The following MDH1B variants were observed in gnomAD, a reference collection of about 807,000 sequenced individuals.
The protein encoded by MDH1B is putative malate dehydrogenase 1B.
In MDH1B, 60 loss-of-function variants were observed where a neutral mutation model predicts 61.4. The ratio of observed to expected loss-of-function variants is 0.98; its 90% CI spans 0.79 to 1.21. MDH1B has a LOEUF of 1.21. MDH1B is among the 50% of genes most tolerant of loss of function. MDH1B has a pLI of 0.00. For synonymous variants in MDH1B, 236 were observed against 218.7 expected, an observed-to-expected ratio of 1.08 and a Z score of -0.70; for missense variants, 587 against 632.1, an observed-to-expected ratio of 0.93 and a Z score of 0.76.
intron 9 of MDH1B, 122 bp downstream of exon 9, chr2:206,745,500 A>G: frequency 1.3e-6 from 1 of 759,038 alleles, no homozygotes; most frequent in Non-Finnish European, 2.2e-6. Context: ...TTATTTTGTC[A>G]TTAGTTTAGA....
chr2:206,752,051 T>C lies in MDH1B; in HGVS notation c.911-976A>G, dbSNP rs771772397. 6.0e-4 allele frequency among the ~76,000 whole-genome samples: 92 copies of C among 152,262 alleles called. 1 individual carries two copies. Among genetic ancestry groups the C allele is most frequent in the Non-Finnish European group, 1.1e-3 (73 of 68,018 alleles). On this transcript the variant is annotated intron_variant, in intron 5 of 11. Coordinates refer to ENST00000374412, the MANE Select transcript of MDH1B (RefSeq NM_001039845.3). ...AGGTAATTCATGGTAGGCAGTGACA[T>C]GTGCTGGTTCAGCAGCTCAGAGATG...
rs113330585 is a variant in MDH1B, at chr2:206,743,224, C to T, written c.1409-2120G>A. ...CTGCCCTCTCCATTGCACAAAATTG[C>T]TCTCATTAAAGTCACAAATGACCTT... On this transcript the variant is annotated intron_variant, in intron 9 of 11. Coordinates refer to ENST00000374412, the MANE Select transcript of MDH1B (RefSeq NM_001039845.3). Among the ~76,000 whole-genome samples, 442 of 152,254 alleles carry T rather than the reference C, an allele frequency of 2.9e-3. 1 individual carries two copies. Among genetic ancestry groups the T allele is most frequent in the Non-Finnish European group, 5.1e-3 (345 of 68,008 alleles).
chr2:206,740,048 G>T (rs1235925626), intron 10 of MDH1B, among the ~76,000 whole-genome samples: 2 of 152,046 alleles, frequency 1.3e-5, no homozygotes, highest in Non-Finnish European at 2.9e-5. Context: ...TTATTTTTTT[G>T]ATATATGGTT....
intron 11 of MDH1B, 83 bp downstream of exon 11, chr2:206,739,510 A>C: frequency 8.1e-7 from 1 of 1,239,216 alleles, no homozygotes; most frequent in Non-Finnish European, 1.2e-6. Flanking sequence ...CAAGAATAGT[A>C]TTGCAAGGAA....
intron 5 of MDH1B, among the ~76,000 whole-genome samples, chr2:206,754,397 T>A (rs1313186056): frequency 1.5e-4 from 23 of 152,342 alleles, no homozygotes; most frequent in Admixed American, 1.5e-3. Context: ...CTCATCTTCC[T>A]ATGATTCTGA....
In MDH1B at chr2:206,746,410, C is replaced by A; in HGVS notation, c.1233G>T (p.Pro411=). ...CAGGCATAGAAAAGACGATCCCTTT[C>A]GGAATACCAAACTGGCCTGCAGTGA... ...GILSEGQFGI[P]KGIVFSMPVK... Residue 411 remains proline (P), a synonymous_variant, in exon 8 of 12, where the codon CCG becomes CCT. Coordinates refer to ENST00000374412, the MANE Select transcript of MDH1B (RefSeq NM_001039845.3). 1 of 1,613,016 alleles carries A rather than the reference C, an allele frequency of 6.2e-7. No individual in the cohort carries two copies. Among genetic ancestry groups the A allele is most frequent in the South Asian group, 1.1e-5 (1 of 90,880 alleles).
intron 1 of MDH1B, 129 bp downstream of exon 1, chr2:206,765,121 A>G (rs1689361776): frequency 8.3e-7 from 1 of 1,208,562 alleles, no homozygotes. Flanking sequence ...GGTCCAGTAA[A>G]AAACTTTGAA....
At chr2:206,759,981 A>C (rs1206089290) in intron 2 of MDH1B, among the ~76,000 whole-genome samples, 1 of 152,216 alleles carries the variant, frequency 6.6e-6, no homozygotes, top group East Asian at 1.9e-4. Context: ...TGAGCAGTGG[A>C]GACTATAGTT....
chr2:206,746,370 C>T lies in MDH1B; in HGVS notation c.1273G>A (p.Gly425Arg). Residue 425 changes from glycine (G) to arginine (R), a missense_variant, in exon 8 of 12, where the codon GGA becomes AGA. Coordinates refer to ENST00000374412, the MANE Select transcript of MDH1B (RefSeq NM_001039845.3). ...AGATCTGTAAGAACCACCCAAGTTC[C>T]ATTCTCAAATTTCACAGGCATAGAA... is the stretch of plus-strand genomic sequence containing the variant. Reference protein sequence around the residue: ...VFSMPVKFENGTWVVLTDLKD... With the variant: ...VFSMPVKFENRTWVVLTDLKD... 2 of 1,613,910 alleles carry T rather than the reference C, an allele frequency of 1.2e-6. No individual in the cohort carries two copies. The highest frequency in any genetic ancestry group is 1.7e-6 in the Non-Finnish European group (2 of 1,179,916).
intron 9 of MDH1B, chr2:206,741,333 G>A (rs571966789): frequency 8.4e-6 from 5 of 598,136 alleles, no homozygotes; most frequent in East Asian, 3.6e-5. Context: ...TTAATACCGA[G>A]TGCCAACTTG....
intron 9 of MDH1B, among the ~76,000 whole-genome samples, chr2:206,743,639 A>G (rs1270640063): frequency 1.3e-5 from 2 of 152,314 alleles, no homozygotes; most frequent in East Asian, 3.9e-4. Flanking sequence ...TCACACAGGT[A>G]TTTCAGAATC....
At chr2:206,757,898 T>C (rs1417203607) in intron 2 of MDH1B, among the ~76,000 whole-genome samples, 1 of 152,216 alleles carries the variant, frequency 6.6e-6, no homozygotes, top group Non-Finnish European at 1.5e-5. Context: ...TTATATAGGC[T>C]AGGCCTTCCA....
rs149177691 is a variant in MDH1B, at chr2:206,755,528, T to C, written c.414-23A>G. On this transcript the variant is annotated intron_variant, in intron 4 of 11. Transcript: ENST00000374412. ...GCACTGATAAAAATGCAAAGCCGCA[T>C]TGTGAATAGTTATATCCTTTGTCCC... 1.6e-3 allele frequency: 2,517 copies of C among 1,593,648 alleles called. 9 individuals are homozygous for C. Among genetic ancestry groups the C allele is most frequent in the Non-Finnish European group, 1.9e-3 (2,274 of 1,169,970 alleles).
chr2:206,753,825 G>A (rs1338656972), intron 5 of MDH1B, among the ~76,000 whole-genome samples: 1 of 152,108 alleles, frequency 6.6e-6, no homozygotes, highest in Non-Finnish European at 1.5e-5. Context: ...GGCACCAGCA[G>A]ACCCACAAGA....
At chr2:206,747,891 T>A (rs1333448539) in intron 7 of MDH1B, among the ~76,000 whole-genome samples, 1 of 151,346 alleles carries the variant, frequency 6.6e-6, no homozygotes. Context: ...GTCTGGTATA[T>A]GTTGGATGGA....
intron 7 of MDH1B, among the ~76,000 whole-genome samples, chr2:206,748,620 C>T (rs1688260790): frequency 1.3e-5 from 2 of 152,188 alleles, no homozygotes; most frequent in Non-Finnish European, 2.9e-5. Context: ...GGTCAAAGCT[C>T]CTCATACTTT....
At position 206,751,204 on chromosome 2, in the gene MDH1B, G is replaced by A. The variant is rs760166242; in HGVS notation, c.911-129C>T. On this transcript the variant is annotated intron_variant, in intron 5 of 11. Transcript: ENST00000374412. ...GTCTTTTTGGTATAAAATGAATCTA[G>A]GTTTATGATTCCTAAAATTGTGCAA... The A allele has an allele frequency of 1.1e-5, 7 of 622,140 alleles. No homozygotes were observed. The Admixed American group carries it at 2.0e-4, about 18-fold the overall frequency. 38.5% of individuals were successfully genotyped at this position (622,140 alleles called of 1,614,324 possible). A position where few individuals can be genotyped will look rare whatever the true frequency, so the allele number is the denominator to read the frequency against.
chr2:206,761,207 G>C (rs1483372457), intron 1 of MDH1B, among the ~76,000 whole-genome samples, 194 bp from the exon 2 acceptor site: 1 of 151,996 alleles, frequency 6.6e-6, no homozygotes, highest in Admixed American at 6.6e-5. Flanking sequence ...AACTTCATAG[G>C]AGGTCAGAAT....
intron 3 of MDH1B, 70 bp downstream of exon 3, chr2:206,757,167 C>A (rs534359889): frequency 1.3e-6 from 2 of 1,534,534 alleles, no homozygotes; most frequent in African/African-American, 1.4e-5. Flanking sequence ...TCTCAGAAAG[C>A]AAGATATTTG....
Sources: allele counts gnomAD v4.1 joint callset (sites outside exome capture counted in the v4.1 genomes callset), GRCh38; gene constraint gnomAD v4.1.1; transcripts MANE v1.5; gene names NCBI Gene and HGNC (gene_info 2026-07-23, HGNC 2026-07-21).